The following MIPOL1 variants were observed in gnomAD, a reference collection of about 807,000 sequenced individuals.
The protein encoded by MIPOL1 is mirror-image polydactyly gene 1 protein.
A neutral mutation model predicts 60.9 loss-of-function variants in MIPOL1; 57 were observed. That is an observed-to-expected ratio of 0.94 (90% CI 0.76 to 1.17). The LOEUF is 1.17. MIPOL1 is among the 50% of genes most tolerant of loss of function. MIPOL1 has a pLI of 0.00. For synonymous variants in MIPOL1, 179 were observed against 168.8 expected, an observed-to-expected ratio of 1.06 and a Z score of -0.47; for missense variants, 551 against 511.6, an observed-to-expected ratio of 1.08 and a Z score of -0.74.
At chr14:37,448,337 A>G (rs966573434) in intron 11 of MIPOL1, among the ~76,000 whole-genome samples, 5 of 152,196 alleles carry the variant, frequency 3.3e-5, no homozygotes, top group African/African-American at 1.2e-4. Context: ...GAAGTAAGAA[A>G]CGTGAATCAA....
chr14:37,433,745 G>A (rs1217099884), intron 11 of MIPOL1, among the ~76,000 whole-genome samples: 2 of 151,824 alleles, frequency 1.3e-5, no homozygotes, highest in East Asian at 1.9e-4. Context: ...TAGTAGAGAC[G>A]GGGTTTCACC....
chr14:37,208,719 G>A (rs757422547), intron 1 of MIPOL1, among the ~76,000 whole-genome samples: 4 of 152,070 alleles, frequency 2.6e-5, no homozygotes, highest in Non-Finnish European at 5.9e-5. Context: ...TCAGCCTCCT[G>A]CGTAGCTGGG....
intron 11 of MIPOL1, among the ~76,000 whole-genome samples, chr14:37,490,041 C>T (rs994934931): frequency 2.0e-5 from 3 of 152,144 alleles, no homozygotes. Context: ...TCTGCTGAAG[C>T]TGTGCCCACA....
At position 37,468,636 on chromosome 14, in the gene MIPOL1, TTATC is replaced by T. The variant is rs573243463; in HGVS notation, c.1032-31268_1032-31265del. Among the ~76,000 whole-genome samples, 18 of 152,318 alleles carry T rather than the reference TTATC, an allele frequency of 1.2e-4. No homozygotes were observed. In the South Asian group the frequency reaches 2.7e-3, roughly 23 times the overall value. On this transcript the variant is annotated intron_variant, in intron 11 of 12. Coordinates refer to ENST00000684589, the MANE Select transcript of MIPOL1 (RefSeq NM_001388067.1). The stretch of plus-strand genomic sequence containing the variant: ...CAGGTTTAAGCAACAAGTTATTAAT[TTATC>T]TATTTCACAAATATTAAACCCTTTT...
intron 11 of MIPOL1, among the ~76,000 whole-genome samples, chr14:37,453,151 G>T (rs2094440965): frequency 1.3e-5 from 2 of 152,038 alleles, no homozygotes; most frequent in African/African-American, 4.8e-5. Flanking sequence ...ACTTCAAGAA[G>T]TCTCAAGAGA....
intron 10 of MIPOL1, among the ~76,000 whole-genome samples, chr14:37,386,551 T>TAA (rs929721594): frequency 2.7e-5 from 4 of 148,758 alleles, no homozygotes; most frequent in African/African-American, 7.3e-5. Context: ...GTCTTCTCCC[T>TAA]AAAAAAAAAA....
At chr14:37,496,848 A>G (rs1164196925) in intron 11 of MIPOL1, among the ~76,000 whole-genome samples, 1 of 152,136 alleles carries the variant, frequency 6.6e-6, no homozygotes, top group Non-Finnish European at 1.5e-5. Context: ...CGCCAAGTCA[A>G]TCCTAAGCCA....
intron 12 of MIPOL1, among the ~76,000 whole-genome samples, chr14:37,534,784 C>T (rs1030446826): frequency 6.6e-6 from 1 of 152,140 alleles, no homozygotes; most frequent in Non-Finnish European, 1.5e-5. Flanking sequence ...CTGTTACGTA[C>T]TTTCCTAATA....
At chr14:37,280,534 A>G (rs2084020923) in intron 6 of MIPOL1, among the ~76,000 whole-genome samples, 1 of 152,210 alleles carries the variant, frequency 6.6e-6, no homozygotes, top group South Asian at 2.1e-4. Flanking sequence ...ATGATAGCTC[A>G]TTGTGATTTT....
intron 12 of MIPOL1, among the ~76,000 whole-genome samples, chr14:37,535,937 G>T (rs2095504467): frequency 6.6e-6 from 1 of 151,172 alleles, no homozygotes; most frequent in Admixed American, 6.6e-5. Context: ...ATCTTGCTCT[G>T]TTACCCAGGC....
intron 11 of MIPOL1, among the ~76,000 whole-genome samples, chr14:37,432,369 C>A (rs1330998625): frequency 6.6e-6 from 1 of 152,122 alleles, no homozygotes; most frequent in Non-Finnish European, 1.5e-5. Context: ...TATATGTCCA[C>A]AAATGAATAA....
chr14:37,298,349 T>C (rs2085982353), intron 7 of MIPOL1, among the ~76,000 whole-genome samples: 1 of 152,166 alleles, frequency 6.6e-6, no homozygotes, highest in Admixed American at 6.5e-5. Context: ...ATAAAAACCC[T>C]ACAAGAAAAC....
At chr14:37,261,734 T>C (rs895281330) in intron 3 of MIPOL1, among the ~76,000 whole-genome samples, 3 of 152,150 alleles carry the variant, frequency 2.0e-5, no homozygotes, top group Non-Finnish European at 4.4e-5. Context: ...CTAAAAGATT[T>C]ATGTAACTTA....
chr14:37,257,760 A>G (rs1395383356), intron 3 of MIPOL1, among the ~76,000 whole-genome samples: 5 of 152,146 alleles, frequency 3.3e-5, no homozygotes, highest in Admixed American at 2.0e-4. Context: ...TTTAGGAACA[A>G]TGTAGCTAAA....
intron 9 of MIPOL1, among the ~76,000 whole-genome samples, chr14:37,357,496 G>A (rs371934510): frequency 3.9e-5 from 6 of 152,108 alleles, no homozygotes; most frequent in African/African-American, 1.2e-4. Flanking sequence ...TTTGCATTTC[G>A]TTGATGATCA....
At chr14:37,456,421 G>A (rs1403985510) in intron 11 of MIPOL1, among the ~76,000 whole-genome samples, 4 of 151,774 alleles carry the variant, frequency 2.6e-5, no homozygotes, top group African/African-American at 9.7e-5. Flanking sequence ...TAATAGACAC[G>A]TATTAAATGA....
chr14:37,420,868 A>G (rs959028530), intron 10 of MIPOL1, among the ~76,000 whole-genome samples: 23 of 152,188 alleles, frequency 1.5e-4, no homozygotes, highest in Non-Finnish European at 2.5e-4. Context: ...AGATCACTGT[A>G]GCATAGGATA....
chr14:37,284,344 T>C (rs8018499), intron 6 of MIPOL1, among the ~76,000 whole-genome samples: 46,139 of 151,978 alleles, frequency 0.3, 7,233 homozygotes, highest in East Asian at 0.46. Flanking sequence ...TTATTTTTAT[T>C]TATGTATTTA....
intron 9 of MIPOL1, among the ~76,000 whole-genome samples, chr14:37,334,906 G>T (rs1382167999): frequency 6.6e-6 from 1 of 151,766 alleles, no homozygotes; most frequent in Non-Finnish European, 1.5e-5. Context: ...GCCATATTTT[G>T]TTTATTCATT....
Sources: allele counts gnomAD v4.1 joint callset (sites outside exome capture counted in the v4.1 genomes callset), GRCh38; gene constraint gnomAD v4.1.1; transcripts MANE v1.5; gene names NCBI Gene and HGNC (gene_info 2026-07-23, HGNC 2026-07-21).